The following ZEB1 variants were observed in gnomAD, a reference collection of about 807,000 sequenced individuals.
ZEB1 encodes the protein zinc finger E-box-binding homeobox 1.
In ZEB1, 21 loss-of-function variants were observed where a neutral mutation model predicts 84.9. That is an observed-to-expected ratio of 0.25 (90% CI 0.18 to 0.36). The LOEUF is 0.36. Among genes scored for constraint, ZEB1 ranks in the 10% least tolerant of loss-of-function variants. ZEB1 has a pLI of 1.00. For synonymous variants in ZEB1, 420 were observed against 471.1 expected, an observed-to-expected ratio of 0.89 and a Z score of 1.41; for missense variants, 1,104 against 1,330.2, an observed-to-expected ratio of 0.83 and a Z score of 2.65.
chr10:31,432,705 C>T (rs891192375), intron 1 of ZEB1, among the ~76,000 whole-genome samples: 8 of 152,126 alleles, frequency 5.3e-5, no homozygotes, highest in Admixed American at 2.6e-4. Flanking sequence ...AAGTGATTTA[C>T]GGCCCCAGAG....
intron 8 of ZEB1, among the ~76,000 whole-genome samples, chr10:31,525,001 A>G (rs1258943884): frequency 2.0e-5 from 3 of 152,226 alleles, no homozygotes; most frequent in African/African-American, 7.2e-5. Flanking sequence ...AAATGTGAGC[A>G]TACGCATGTT....
At chr10:31,358,737 T>C (rs1160415127) in intron 1 of ZEB1, 2 of 152,192 alleles carry the variant, frequency 1.3e-5, no homozygotes, top group Non-Finnish European at 2.9e-5. Flanking sequence ...AATACTATAA[T>C]AATGCATGAT....
chr10:31,406,717 T>C (rs1022022285), intron 1 of ZEB1, among the ~76,000 whole-genome samples: 1 of 152,248 alleles, frequency 6.6e-6, no homozygotes, highest in Non-Finnish European at 1.5e-5. Context: ...TTGTCAATTT[T>C]GGCTTTTGTT....
intron 1 of ZEB1, chr10:31,363,622 G>A: frequency 1.3e-6 from 2 of 1,505,080 alleles, no homozygotes; most frequent in Non-Finnish European, 1.8e-6. Context: ...GAGCCTGGCT[G>A]GGATCACCTG....
chr10:31,339,123 G>T (rs1474340443), intron 1 of ZEB1, among the ~76,000 whole-genome samples: 3 of 152,106 alleles, frequency 2.0e-5, no homozygotes, highest in African/African-American at 7.2e-5. Flanking sequence ...TCCATTTAGA[G>T]CATTTACTGT....
chr10:31,404,775 A>G (rs2052668521), intron 1 of ZEB1, among the ~76,000 whole-genome samples: 1 of 152,118 alleles, frequency 6.6e-6, no homozygotes, highest in South Asian at 2.1e-4. Flanking sequence ...GCATGCTTAG[A>G]GCATGAATGT....
At chr10:31,444,871 G>A (rs973731405) in intron 1 of ZEB1, among the ~76,000 whole-genome samples, 8 of 150,376 alleles carry the variant, frequency 5.3e-5, no homozygotes, top group Non-Finnish European at 1.0e-4. Context: ...TTGTTCTTTT[G>A]GCTTAGGATT....
chr10:31,386,552 A>G (rs1041406274), intron 1 of ZEB1, among the ~76,000 whole-genome samples: 1 of 152,108 alleles, frequency 6.6e-6, no homozygotes, highest in Admixed American at 6.6e-5. Flanking sequence ...ACTACAGATA[A>G]TCAGTGTGTC....
intron 1 of ZEB1, among the ~76,000 whole-genome samples, chr10:31,330,512 A>G (rs1169854383): frequency 6.6e-6 from 1 of 152,168 alleles, no homozygotes; most frequent in Non-Finnish European, 1.5e-5. Context: ...ATTTCCTACA[A>G]GGTTTTAAGG....
chr10:31,429,786 C>T (rs1240739310), intron 1 of ZEB1, among the ~76,000 whole-genome samples: 1 of 141,584 alleles, frequency 7.1e-6, no homozygotes, highest in Admixed American at 7.0e-5. Context: ...TCTTGTCCCC[C>T]AGGCTGGAGT....
intron 1 of ZEB1, among the ~76,000 whole-genome samples, chr10:31,350,185 C>T (rs2041073514): frequency 6.6e-6 from 1 of 151,960 alleles, no homozygotes; most frequent in Admixed American, 6.6e-5. Flanking sequence ...GTTTTTTCCC[C>T]ATTGTGTGTT....
At chr10:31,399,344 C>A (rs2051455103) in intron 1 of ZEB1, among the ~76,000 whole-genome samples, 1 of 152,014 alleles carries the variant, frequency 6.6e-6, no homozygotes, top group Admixed American at 6.6e-5. Flanking sequence ...CCTCATCTTT[C>A]CCCCACCAAA....
chr10:31,362,702 C>T lies in ZEB1; in HGVS notation c.58+43410C>T, dbSNP rs9663490. The stretch of plus-strand genomic sequence containing the variant: ...AGATGGTGGAGCAGCAGGGCAGAGG[C>T]GCTCCTCACTTCCCAGATGGTGCAG... On this transcript the variant is annotated intron_variant, in intron 1 of 8. Transcript: ENST00000424869. 6.4e-3 allele frequency: 3,053 copies of T among 474,604 alleles called. 71 individuals carry two copies. The highest frequency in any genetic ancestry group is 0.053 in the African/African-American group (2,675 of 50,470). 29.4% of individuals were successfully genotyped at this position (474,604 alleles called of 1,614,324 possible). A position where few individuals can be genotyped will look rare whatever the true frequency, so the allele number is the denominator to read the frequency against.
At chr10:31,482,884 T>C (rs2065229628) in intron 2 of ZEB1, among the ~76,000 whole-genome samples, 1 of 152,056 alleles carries the variant, frequency 6.6e-6, no homozygotes, top group Admixed American at 6.6e-5. Flanking sequence ...GATCTCTGAC[T>C]CTTGTCCCAT....
At chr10:31,324,160 T>C (rs770767808) in intron 1 of ZEB1, among the ~76,000 whole-genome samples, 1 of 151,988 alleles carries the variant, frequency 6.6e-6, no homozygotes, top group African/African-American at 2.4e-5. Context: ...TAAAGTATCT[T>C]ATAAATTGAA....
intron 7 of ZEB1, 75 bp downstream of exon 7, chr10:31,522,011 AAT>A: frequency 6.3e-7 from 1 of 1,596,138 alleles, no homozygotes; most frequent in Non-Finnish European, 8.6e-7. Flanking sequence ...TTGTCTAATA[AAT>A]ATCAGTCCCG....
chr10:31,432,807 T>C (rs1449220519), intron 1 of ZEB1, among the ~76,000 whole-genome samples: 1 of 152,228 alleles, frequency 6.6e-6, no homozygotes, highest in Non-Finnish European at 1.5e-5. Flanking sequence ...AGTTACTACA[T>C]GTTAACATAA....
At chr10:31,488,049 A>AT (rs893596821) in intron 2 of ZEB1, among the ~76,000 whole-genome samples, 5 of 150,668 alleles carry the variant, frequency 3.3e-5, no homozygotes, top group Non-Finnish European at 7.4e-5. Flanking sequence ...TTAGTCTATA[A>AT]TTTTTTTTCT....
At position 31,528,949 on chromosome 10, in the gene ZEB1, A is replaced by T. The variant is rs1834643708; in HGVS notation, c.*1685A>T. ...TGAAATTCACTGTGTGACTAATAGCATGATGCTCTGCAGTTTTATTAAGAA... is the reference window on the plus strand; with the variant it reads ...TGAAATTCACTGTGTGACTAATAGCTTGATGCTCTGCAGTTTTATTAAGAA... On this transcript the variant is annotated 3_prime_UTR_variant, in exon 9 of 9. Coordinates refer to ENST00000424869, the MANE Select transcript of ZEB1 (RefSeq NM_001174096.2). 6.6e-6 allele frequency: 1 copy of T among 152,208 alleles called. No individual in the cohort carries two copies. Among genetic ancestry groups the T allele is most frequent in the Non-Finnish European group, 1.5e-5 (1 of 68,016 alleles). The allele number at this position is 152,208 out of a possible 1,614,324, so 9.4% of individuals were successfully genotyped here. A position where few individuals can be genotyped will look rare whatever the true frequency, so the allele number is the denominator to read the frequency against.
Sources: allele counts gnomAD v4.1 joint callset (sites outside exome capture counted in the v4.1 genomes callset), GRCh38; gene constraint gnomAD v4.1.1; transcripts MANE v1.5; gene names NCBI Gene and HGNC (gene_info 2026-07-23, HGNC 2026-07-21).